Variants in WWTR1 observed in about 807,000 individuals in gnomAD.
The protein encoded by WWTR1 is WW domain containing transcription regulator 1.
A neutral mutation model predicts 40.1 loss-of-function variants in WWTR1; 13 were observed. The observed-to-expected ratio is 0.32, with a 90% CI of 0.21 to 0.52. WWTR1 has a LOEUF of 0.52. WWTR1 is among the 20% of genes least tolerant of loss of function. The pLI, the probability that WWTR1 is intolerant of heterozygous loss-of-function variation, is 0.97. For synonymous variants in WWTR1, 230 were observed against 210.1 expected (o/e 1.09, Z -0.82); for missense variants, 436 against 523.1 (o/e 0.83, Z 1.63).
intron 4 of WWTR1, among the ~76,000 whole-genome samples, chr3:149,532,848 G>A (rs1735652065): frequency 6.6e-6 from 1 of 152,210 alleles, no homozygotes; most frequent in Non-Finnish European, 1.5e-5. Flanking sequence ...AGTCAAAATG[G>A]ATGAAACTAA....
At chr3:149,560,185 CAT>C (rs1737024028) in intron 3 of WWTR1, among the ~76,000 whole-genome samples, 1 of 152,168 alleles carries the variant, frequency 6.6e-6, no homozygotes, top group African/African-American at 2.4e-5. Context: ...TGAATGCAAA[CAT>C]ATGAAATAGG....
intron 2 of WWTR1, among the ~76,000 whole-genome samples, chr3:149,582,747 A>T (rs938443794): frequency 3.3e-5 from 5 of 152,130 alleles, no homozygotes; most frequent in Non-Finnish European, 5.9e-5. Flanking sequence ...ATAATAAAAT[A>T]AAATAAATAA....
At chr3:149,686,386 G>T (rs1006709191) in intron 1 of WWTR1, among the ~76,000 whole-genome samples, 1 of 152,114 alleles carries the variant, frequency 6.6e-6, no homozygotes, top group African/African-American at 2.4e-5. Flanking sequence ...AGGGATGGTG[G>T]CCAGTAGCTG....
At chr3:149,697,536 C>T (rs1398048055) in intron 1 of WWTR1, among the ~76,000 whole-genome samples, 1 of 152,144 alleles carries the variant, frequency 6.6e-6, no homozygotes, top group African/African-American at 2.4e-5. Context: ...ATGATCCAAC[C>T]TCCTCCCACC....
intron 1 of WWTR1, 96 bp from the exon 2 acceptor site, chr3:149,657,405 T>C: frequency 1.5e-6 from 2 of 1,373,618 alleles, no homozygotes; most frequent in Non-Finnish European, 1.9e-6. Flanking sequence ...GGAGAAAGAA[T>C]AGAGGGAAAA....
intron 2 of WWTR1, among the ~76,000 whole-genome samples, chr3:149,664,277 T>C (rs1254382098): frequency 1.3e-5 from 2 of 152,172 alleles, no homozygotes; most frequent in African/African-American, 2.4e-5. Flanking sequence ...CTTGAATAGA[T>C]AAAGGTTTGA....
chr3:149,530,849 AG>A (rs963232349), intron 4 of WWTR1, among the ~76,000 whole-genome samples: 10 of 152,126 alleles, frequency 6.6e-5, no homozygotes, highest in Admixed American at 6.5e-5. Flanking sequence ...TTCTGTCTGT[AG>A]GGGGCTCACA....
chr3:149,540,499 T>C (rs1047288862), intron 4 of WWTR1, among the ~76,000 whole-genome samples: 4 of 152,132 alleles, frequency 2.6e-5, no homozygotes, highest in African/African-American at 9.7e-5. Flanking sequence ...AAGAAAAAAC[T>C]CACTAAAGCT....
At chr3:149,632,881 A>T (rs181047565) in intron 2 of WWTR1, among the ~76,000 whole-genome samples, 122 of 152,338 alleles carry the variant, frequency 8.0e-4, no homozygotes, top group African/African-American at 2.8e-3. Flanking sequence ...TGGATTAGTA[A>T]TTTCTTAAGA....
At chr3:149,563,924 T>G (rs1223953076) in intron 3 of WWTR1, among the ~76,000 whole-genome samples, 1 of 152,116 alleles carries the variant, frequency 6.6e-6, no homozygotes, top group Non-Finnish European at 1.5e-5. Context: ...GCTAATTTTT[T>G]TGTGTTTTTG....
chr3:149,559,460 G>A (rs1736995645), intron 3 of WWTR1, among the ~76,000 whole-genome samples: 1 of 152,108 alleles, frequency 6.6e-6, no homozygotes, highest in African/African-American at 2.4e-5. Flanking sequence ...TAGATGGATA[G>A]ATGCAACCGT....
At chr3:149,712,433 C>G (rs577644766) in intron 5 of WWTR1, among the ~76,000 whole-genome samples, 42 of 152,318 alleles carry the variant, frequency 2.8e-4, no homozygotes, top group East Asian at 1.5e-3. Context: ...AGCTGTGGCT[C>G]TCTCATGATC....
At chr3:149,625,390 T>TTACA (rs1309326307) in intron 2 of WWTR1, among the ~76,000 whole-genome samples, 15 of 151,862 alleles carry the variant, frequency 9.9e-5, no homozygotes, top group African/African-American at 3.6e-4. Flanking sequence ...AATGCTGGGA[T>TTACA]TACAGGCTTG....
intron 3 of WWTR1, among the ~76,000 whole-genome samples, chr3:149,552,486 AC>A (rs5853416): frequency 0.061 from 9,275 of 152,256 alleles, 987 homozygotes; most frequent in East Asian, 0.44. Flanking sequence ...GCAACGCCTC[AC>A]CCATAACTCA....
At chr3:149,650,867 A>G (rs1200110136) in intron 2 of WWTR1, among the ~76,000 whole-genome samples, 2 of 152,162 alleles carry the variant, frequency 1.3e-5, no homozygotes, top group African/African-American at 2.4e-5. Context: ...CTGACTTTCA[A>G]CTCCAGATCC....
chr3:149,696,761 C>T (rs1253229800), intron 1 of WWTR1, among the ~76,000 whole-genome samples: 1 of 152,148 alleles, frequency 6.6e-6, no homozygotes, highest in African/African-American at 2.4e-5. Flanking sequence ...ATTCATTCTC[C>T]ATCCCATAGT....
At chr3:149,526,360 C>T (rs1735309077) in intron 5 of WWTR1, among the ~76,000 whole-genome samples, 2 of 151,776 alleles carry the variant, frequency 1.3e-5, no homozygotes, top group South Asian at 4.2e-4. Flanking sequence ...TCAAAATAAC[C>T]ATTTGAACAT....
chr3:149,681,153 C>A (rs13082329), intron 1 of WWTR1, among the ~76,000 whole-genome samples: 5 of 152,162 alleles, frequency 3.3e-5, no homozygotes, highest in African/African-American at 1.2e-4. Context: ...CCCACATTTT[C>A]TCTAACTTCG....
At chr3:149,591,997 A>G (rs1335581708) in intron 2 of WWTR1, among the ~76,000 whole-genome samples, 1 of 152,176 alleles carries the variant, frequency 6.6e-6, no homozygotes, top group African/African-American at 2.4e-5. Context: ...CCTAAAATCT[A>G]CTTCTCCGGT....
Sources: allele counts gnomAD v4.1 joint callset (sites outside exome capture counted in the v4.1 genomes callset), GRCh38; gene constraint gnomAD v4.1.1; transcripts MANE v1.5; gene names NCBI Gene and HGNC (gene_info 2026-07-23, HGNC 2026-07-21).